The following MAP3K15 variants were observed in gnomAD, a reference collection of about 807,000 sequenced individuals.
MAP3K15 encodes the protein mitogen-activated protein kinase kinase kinase 15.
MAP3K15 carries 124 observed loss-of-function variants against 99.5 expected under a neutral mutation model. That is an observed-to-expected ratio of 1.25 (90% confidence interval 1.08 to 1.45). The LOEUF (loss-of-function observed/expected upper bound fraction) is 1.45. MAP3K15 is among the 40% of genes most tolerant of loss of function. MAP3K15 has a pLI of 0.00. For missense variants in MAP3K15, 1,242 were observed against 1,079.7 expected (o/e 1.15, Z -2.11); for synonymous variants, 494 against 439.6 (o/e 1.12, Z -1.55).
intron 4 of MAP3K15, among the ~76,000 whole-genome samples, chrX:19,461,509 T>C (rs1196421857): frequency 4.4e-5 from 5 of 112,855 alleles, no homozygotes; most frequent in Admixed American, 1.9e-4. Context: ...AATATCACCA[T>C]AGTCTCTTGA....
chrX:19,441,823 A>G (rs1183200358), intron 6 of MAP3K15, among the ~76,000 whole-genome samples: 1 of 111,523 alleles, frequency 9.0e-6, no homozygotes, highest in East Asian at 2.8e-4. Flanking sequence ...ACAGATACAA[A>G]ACCTCTCTAA....
intron 6 of MAP3K15, among the ~76,000 whole-genome samples, chrX:19,436,159 A>G (rs1156859063): frequency 1.0e-5 from 1 of 99,381 alleles, no homozygotes; most frequent in Non-Finnish European, 1.9e-5. Context: ...CATGTCAAAA[A>G]AAAAAAAAAG....
chrX:19,384,749 G>GAAAAAAA (rs34619145), intron 18 of MAP3K15, among the ~76,000 whole-genome samples: 2 of 22,559 alleles, frequency 8.9e-5, no homozygotes, highest in African/African-American at 3.8e-4. Flanking sequence ...TGTCTCAGGG[G>GAAAAAAA]AAAAAAAAAA....
chrX:19,444,311 T>C (rs1231291368), intron 6 of MAP3K15, among the ~76,000 whole-genome samples: 1 of 111,809 alleles, frequency 8.9e-6, no homozygotes, highest in Non-Finnish European at 1.9e-5. Context: ...TTATCACTGA[T>C]GTTTCCTTTG....
chrX:19,477,168 G>T lies in MAP3K15; in HGVS notation c.525+9314C>A, dbSNP rs1244218823. Among the ~76,000 whole-genome samples the T allele has an allele frequency of 4.5e-5, 5 of 111,615 alleles. No individual in the cohort carries two copies. In the East Asian group the frequency reaches 1.4e-3, roughly 31 times the overall value. ...TATGAAAGACATATCCAGTTGGCAG[G>T]TAGAATTAAATATGAATAATTTGGT... On this transcript the variant is annotated intron_variant, in intron 3 of 28. Transcript: ENST00000338883.
At chrX:19,374,806 C>T in intron 19 of MAP3K15, 146 bp from the exon 20 acceptor site, 1 of 495,326 alleles carries the variant, frequency 2.0e-6, no homozygotes, top group East Asian at 3.8e-5. Context: ...TCTTGTTCCT[C>T]CCACCCCAAG....
chrX:19,444,767 G>A (rs1250670197), intron 6 of MAP3K15, among the ~76,000 whole-genome samples: 1 of 111,857 alleles, frequency 8.9e-6, no homozygotes, highest in Admixed American at 9.5e-5. Flanking sequence ...AAAAACAGTT[G>A]ATCAGAAAAA....
intron 16 of MAP3K15, among the ~76,000 whole-genome samples, chrX:19,393,501 C>T (rs375613920): frequency 3.0e-4 from 33 of 110,589 alleles, no homozygotes; most frequent in African/African-American, 8.9e-4. Flanking sequence ...CGTGGTGGCA[C>T]GCACTTGTAA....
chrX:19,469,761 A>G (rs1422168607), intron 3 of MAP3K15, among the ~76,000 whole-genome samples: 1 of 111,616 alleles, frequency 9.0e-6, no homozygotes, highest in African/African-American at 3.3e-5. Flanking sequence ...GACACTTCTC[A>G]AAAGAAGACA....
intron 24 of MAP3K15, among the ~76,000 whole-genome samples, chrX:19,369,913 A>G (rs2063362490): frequency 9.6e-6 from 1 of 104,527 alleles, no homozygotes; most frequent in African/African-American, 3.8e-5. Context: ...CTGTCTCAGA[A>G]AAAAAAAAAA....
intron 9 of MAP3K15, among the ~76,000 whole-genome samples, chrX:19,421,294 G>A (rs900567618): frequency 5.1e-4 from 57 of 110,738 alleles, no homozygotes; most frequent in African/African-American, 1.4e-3. Context: ...CCATCGTCTC[G>A]CCCAAAATCT....
At chrX:19,491,961 C>T (rs1436520646) in intron 1 of MAP3K15, among the ~76,000 whole-genome samples, 1 of 108,313 alleles carries the variant, frequency 9.2e-6, no homozygotes, top group East Asian at 2.9e-4. Flanking sequence ...GCTGGGATTA[C>T]AGGCGTTAGC....
chrX:19,370,319 G>A (rs889334074), intron 24 of MAP3K15, among the ~76,000 whole-genome samples: 9 of 112,266 alleles, frequency 8.0e-5, no homozygotes, highest in African/African-American at 2.9e-4. Context: ...CTGAGTGCAC[G>A]ATGAAGGGGA....
chrX:19,479,984 T>C (rs935490313), intron 3 of MAP3K15, among the ~76,000 whole-genome samples: 1 of 112,394 alleles, frequency 8.9e-6, no homozygotes, highest in African/African-American at 3.2e-5. Context: ...ACAGGTGTTT[T>C]TTTAAAGTCA....
chrX:19,396,441 G>T (rs2063568180), intron 15 of MAP3K15, among the ~76,000 whole-genome samples: 1 of 112,281 alleles, frequency 8.9e-6, no homozygotes, highest in South Asian at 3.7e-4. Context: ...TATCCATCAT[G>T]AGAAAAGAGA....
intron 19 of MAP3K15, among the ~76,000 whole-genome samples, chrX:19,378,414 C>T (rs752627543): frequency 2.7e-5 from 3 of 111,984 alleles, no homozygotes; most frequent in East Asian, 2.8e-4. Context: ...CAGTTCCACG[C>T]GGCTGGGGAG....
At chrX:19,506,271 T>C (rs1328748314) in intron 1 of MAP3K15, among the ~76,000 whole-genome samples, 3 of 111,024 alleles carry the variant, frequency 2.7e-5, no homozygotes, top group Non-Finnish European at 5.7e-5. Flanking sequence ...GGTTTTGCTA[T>C]GTTGACCAGG....
At chrX:19,462,119 A>G (rs1017300726) in intron 4 of MAP3K15, among the ~76,000 whole-genome samples, 1 of 111,283 alleles carries the variant, frequency 9.0e-6, no homozygotes, top group African/African-American at 3.3e-5. Flanking sequence ...ATTTAATAAT[A>G]GTCTTCAAAG....
chrX:19,465,648 G>A (rs2064161748), intron 3 of MAP3K15, among the ~76,000 whole-genome samples: 1 of 109,686 alleles, frequency 9.1e-6, no homozygotes, highest in South Asian at 4.0e-4. Context: ...CAGCTACTCA[G>A]GAGGCTGAGG....
Sources: gnomAD v4.1 joint callset for allele counts (sites outside exome capture counted in the v4.1 genomes callset) on GRCh38, gnomAD v4.1.1 for gene constraint, MANE v1.5 for transcripts, NCBI Gene and HGNC (gene_info 2026-07-23, HGNC 2026-07-21) for gene names.